XKR6: variants seen among roughly 807,000 people sequenced by gnomAD.
XKR6 encodes XK related 6.
A neutral mutation model predicts 56.7 loss-of-function variants in XKR6; 22 were observed. That is an observed-to-expected ratio of 0.39 (90% CI 0.28 to 0.55). XKR6 has a LOEUF of 0.55. Among genes scored for constraint, XKR6 ranks in the 20% least tolerant of loss-of-function variants. The pLI is 0.66. For missense variants in XKR6, 852 were observed against 889.0 expected (o/e 0.96, Z 0.53); for synonymous variants, 524 against 387.8 (o/e 1.35, Z -4.13).
At chr8:11,118,026 G>T (rs931833115) in intron 1 of XKR6, among the ~76,000 whole-genome samples, 4 of 152,070 alleles carry the variant, frequency 2.6e-5, no homozygotes, top group Admixed American at 2.6e-4. Flanking sequence ...CCAACTTTTT[G>T]AAGAATAATG....
intron 1 of XKR6, among the ~76,000 whole-genome samples, chr8:11,059,835 AGT>A (rs1423703787): frequency 6.6e-6 from 1 of 152,042 alleles, no homozygotes; most frequent in East Asian, 1.9e-4. Flanking sequence ...AGGATCCAGG[AGT>A]GTTCAGGATG....
intron 1 of XKR6, among the ~76,000 whole-genome samples, chr8:11,136,553 G>C (rs1800412550): frequency 6.6e-6 from 1 of 151,404 alleles, no homozygotes; most frequent in Non-Finnish European, 1.5e-5. Context: ...CCCCCATTGT[G>C]ATGGTACTTA....
chr8:10,899,880 G>T (rs1399359681), intron 2 of XKR6, among the ~76,000 whole-genome samples: 1 of 152,120 alleles, frequency 6.6e-6, no homozygotes, highest in Non-Finnish European at 1.5e-5. Flanking sequence ...CTTGATATTT[G>T]CAAGTAAACC....
intron 1 of XKR6, among the ~76,000 whole-genome samples, chr8:11,158,319 C>T (rs1045187720): frequency 6.6e-6 from 1 of 152,150 alleles, no homozygotes. Flanking sequence ...ATGAGAAGCA[C>T]TCGCCAAGAA....
chr8:11,004,345 A>C (rs1283719687), intron 1 of XKR6, among the ~76,000 whole-genome samples: 2 of 152,116 alleles, frequency 1.3e-5, no homozygotes, highest in Non-Finnish European at 2.9e-5. Context: ...GTTGGCGCAC[A>C]CCTGCAATAC....
chr8:11,001,149 T>C (rs1017642479), intron 1 of XKR6, among the ~76,000 whole-genome samples: 5 of 152,194 alleles, frequency 3.3e-5, no homozygotes, highest in African/African-American at 1.2e-4. Flanking sequence ...ACGTGCTATG[T>C]GTTAGGTGCC....
intron 1 of XKR6, among the ~76,000 whole-genome samples, chr8:11,107,584 G>A (rs1178763756): frequency 6.6e-6 from 1 of 152,150 alleles, no homozygotes; most frequent in East Asian, 1.9e-4. Context: ...TCTGGGCACG[G>A]ATCCACTCAG....
At chr8:11,094,323 C>T (rs753261809) in intron 1 of XKR6, among the ~76,000 whole-genome samples, 5 of 152,034 alleles carry the variant, frequency 3.3e-5, no homozygotes, top group South Asian at 2.1e-4. Context: ...TGAGTACCAG[C>T]GATTACAGGT....
At chr8:11,009,710 A>T (rs1221708993) in intron 1 of XKR6, among the ~76,000 whole-genome samples, 1 of 152,224 alleles carries the variant, frequency 6.6e-6, no homozygotes, top group Non-Finnish European at 1.5e-5. Flanking sequence ...TGGAGACATG[A>T]TGGCATCCTG....
At chr8:11,065,776 G>A (rs147275284) in intron 1 of XKR6, among the ~76,000 whole-genome samples, 5 of 152,184 alleles carry the variant, frequency 3.3e-5, no homozygotes, top group East Asian at 1.9e-4. Flanking sequence ...AATATCCTCC[G>A]CTGAGCCCAG....
chr8:10,924,589 T>A (rs1477312595), intron 2 of XKR6, 45 bp downstream of exon 2: 8 of 1,568,626 alleles, frequency 5.1e-6, no homozygotes, highest in African/African-American at 1.4e-5. Flanking sequence ...GGTCCCCAGG[T>A]GGAGGGCAGG....
At chr8:11,083,129 C>T (rs1054321374) in intron 1 of XKR6, among the ~76,000 whole-genome samples, 11 of 152,210 alleles carry the variant, frequency 7.2e-5, no homozygotes, top group Middle Eastern at 3.2e-3. Flanking sequence ...GCCTCCCTCT[C>T]CGAGTCTCGG....
chr8:11,035,582 C>G (rs1388393961), intron 1 of XKR6, among the ~76,000 whole-genome samples: 1 of 152,216 alleles, frequency 6.6e-6, no homozygotes, highest in Non-Finnish European at 1.5e-5. Flanking sequence ...AAGAACCCAG[C>G]TGCATCTCGA....
At chr8:11,174,458 C>T (rs376569025) in intron 1 of XKR6, among the ~76,000 whole-genome samples, 1 of 152,212 alleles carries the variant, frequency 6.6e-6, no homozygotes, top group African/African-American at 2.4e-5. Context: ...AGCACCGCAT[C>T]GACTCCAACA....
chr8:11,124,421 C>A (rs190646329), intron 1 of XKR6: 2 of 160,710 alleles, frequency 1.2e-5, no homozygotes, highest in Non-Finnish European at 1.4e-5. Context: ...GAAACAAGCA[C>A]GTACATTTTT....
intron 1 of XKR6, among the ~76,000 whole-genome samples, chr8:11,122,385 C>T (rs992248386): frequency 6.6e-6 from 1 of 152,222 alleles, no homozygotes; most frequent in Non-Finnish European, 1.5e-5. Context: ...AGATAGAATA[C>T]TTTAGTTATA....
chr8:10,988,898 TC>T (rs1797924977), intron 1 of XKR6, among the ~76,000 whole-genome samples: 1 of 152,210 alleles, frequency 6.6e-6, no homozygotes, highest in African/African-American at 2.4e-5. Flanking sequence ...GTGGAACGTT[TC>T]TTGATGACCC....
chr8:10,937,584 G>A (rs370212560), intron 1 of XKR6, among the ~76,000 whole-genome samples: 3 of 149,222 alleles, frequency 2.0e-5, no homozygotes, highest in African/African-American at 2.5e-5. Context: ...TTTTCGGTGT[G>A]GATGTCCTTT....
chr8:11,120,538 G>A (rs990409008), intron 1 of XKR6, among the ~76,000 whole-genome samples: 1 of 152,072 alleles, frequency 6.6e-6, no homozygotes. Context: ...AATAAAAGAG[G>A]ATACAAACAA....
Sources: gnomAD v4.1 joint callset for allele counts (sites outside exome capture counted in the v4.1 genomes callset) on GRCh38, gnomAD v4.1.1 for gene constraint, MANE v1.5 for transcripts, NCBI Gene and HGNC (gene_info 2026-07-23, HGNC 2026-07-21) for gene names.